The following ITGA8 variants were observed in gnomAD, a reference collection of about 807,000 sequenced individuals.
ITGA8 encodes integrin subunit alpha 8, also known as integrin alpha-8.
ITGA8 carries 91 observed loss-of-function variants against 142.3 expected under a neutral mutation model. That is an observed-to-expected ratio of 0.64 (90% CI 0.54 to 0.76). ITGA8 has a LOEUF of 0.76. Ranked by LOEUF, ITGA8 falls within the 30% of genes least tolerant of loss-of-function variation. ITGA8 has a pLI of 0.00. For missense variants in ITGA8, 1,406 were observed against 1,327.7 expected (o/e 1.06, Z -0.92); for synonymous variants, 505 against 485.2 (o/e 1.04, Z -0.54).
chr10:15,596,090 A>G (rs1276065325), intron 21 of ITGA8, among the ~76,000 whole-genome samples: 2 of 152,176 alleles, frequency 1.3e-5, no homozygotes, highest in African/African-American at 4.8e-5. Flanking sequence ...TTTCTCAAAA[A>G]ACTAGCAAAA....
At chr10:15,670,402 C>CA (rs1246864198) in intron 8 of ITGA8, among the ~76,000 whole-genome samples, 1 of 152,148 alleles carries the variant, frequency 6.6e-6, no homozygotes, top group Non-Finnish European at 1.5e-5. Context: ...GAGAGGTTGT[C>CA]ATAGCCTAAG....
intron 20 of ITGA8, among the ~76,000 whole-genome samples, chr10:15,599,589 G>C (rs1298117934): frequency 6.6e-6 from 1 of 152,052 alleles, no homozygotes; most frequent in Non-Finnish European, 1.5e-5. Flanking sequence ...GGAGGAAGTG[G>C]CATCTAAGCT....
At chr10:15,616,415 C>A in intron 14 of ITGA8, 99 bp downstream of exon 14, 1 of 918,596 alleles carries the variant, frequency 1.1e-6, no homozygotes, top group Non-Finnish European at 1.8e-6. Context: ...CTAAATATTC[C>A]CCAGAATAAA....
intron 27 of ITGA8, among the ~76,000 whole-genome samples, chr10:15,548,128 G>A (rs949534126): frequency 6.7e-6 from 1 of 148,644 alleles, no homozygotes; most frequent in Non-Finnish European, 1.5e-5. Context: ...GTCTCACTCT[G>A]TCACCCAGGC....
In ITGA8 at chr10:15,516,340, G is replaced by C. The variant is rs765519508; in HGVS notation, c.*818C>G. ...AGTCCCTGGATAATGTGAGTGAAAG[G>C]AATTTCAGATGGAAGGCAGCAAGGT... On this transcript the variant is annotated 3_prime_UTR_variant, in exon 30 of 30. Transcript: ENST00000378076. 2 of 152,154 alleles carry C rather than the reference G, an allele frequency of 1.3e-5. No individual in the cohort carries two copies. The highest frequency in any genetic ancestry group is 2.4e-5 in the African/African-American group (1 of 41,454). 9.4% of individuals were successfully genotyped at this position (152,154 alleles called of 1,614,324 possible).
intron 13 of ITGA8, among the ~76,000 whole-genome samples, chr10:15,639,264 T>C (rs1430022801): frequency 6.6e-6 from 1 of 151,796 alleles, no homozygotes; most frequent in Non-Finnish European, 1.5e-5. Context: ...AAAGAATAAA[T>C]GAAATGCTAG....
chr10:15,684,689 T>C (rs1037858691), intron 3 of ITGA8, among the ~76,000 whole-genome samples: 1 of 6,566 alleles, frequency 1.5e-4, no homozygotes, highest in African/African-American at 2.2e-4. Context: ...GAAATTAAAT[T>C]TTTTTTTTTT....
At position 15,719,741 on chromosome 10, in the gene ITGA8, C is replaced by T. The variant is rs1835527165; in HGVS notation, c.31G>A (p.Gly11Arg). 2.9e-6 allele frequency: 4 copies of T among 1,366,480 alleles called. No individual in the cohort carries two copies. The highest frequency in any genetic ancestry group is 1.8e-5 in the South Asian group (1 of 56,346). 84.6% of individuals were successfully genotyped at this position (1,366,480 alleles called of 1,614,324 possible). The change falls in exon 1 of 30, where the codon GGA (glycine) becomes AGA (arginine). Residue 11 changes from glycine to arginine, a missense_variant. Physicochemically the swap from Gly to Arg is moderately radical, Grantham distance 125 (BLOSUM62 -2). Coordinates refer to ENST00000378076, the MANE Select transcript of ITGA8 (RefSeq NM_003638.3). Reference protein sequence around the residue: MSPGASRGPRGSQAPLIAPLC... With the variant: MSPGASRGPRRSQAPLIAPLC... ...GGCGCGATCAGCGGCGCCTGGCTTC[C>T]CCGGGGACCGCGGCTGGCCCCGGGC...
intron 28 of ITGA8, among the ~76,000 whole-genome samples, chr10:15,525,868 A>AT (rs906746394): frequency 1.3e-5 from 2 of 152,140 alleles, no homozygotes; most frequent in Non-Finnish European, 2.9e-5. Flanking sequence ...AATAATTTAC[A>AT]TTTTTTTACT....
chr10:15,610,870 A>G (rs1478613734), intron 15 of ITGA8, among the ~76,000 whole-genome samples: 2 of 152,140 alleles, frequency 1.3e-5, no homozygotes, highest in Admixed American at 6.6e-5. Context: ...TCACTTTTAC[A>G]TTTCTAAAAT....
rs548816239 is a variant in ITGA8 at position 15,665,273 on chromosome 10, T to A, written c.848-4351A>T. 1.2e-4 allele frequency among the ~76,000 whole-genome samples: 19 copies of A among 152,366 alleles called. No individual in the cohort carries two copies. In the South Asian group the frequency reaches 3.9e-3, roughly 32 times the overall value. The stretch of plus-strand genomic sequence containing the variant: ...GCATTTCTCTGATGGCCAGTGATGA[T>A]GAGCATTTTTTCATGTGTTTTTTGG... On this transcript the variant is annotated intron_variant, in intron 8 of 29. Transcript: ENST00000378076.
At chr10:15,546,771 G>A (rs891926010) in intron 27 of ITGA8, among the ~76,000 whole-genome samples, 1 of 148,960 alleles carries the variant, frequency 6.7e-6, no homozygotes, top group Non-Finnish European at 1.5e-5. Context: ...AGAAAGAAAA[G>A]AGACACAGAA....
At chr10:15,589,142 C>G (rs1234391939) in intron 22 of ITGA8, among the ~76,000 whole-genome samples, 1 of 152,192 alleles carries the variant, frequency 6.6e-6, no homozygotes, top group Non-Finnish European at 1.5e-5. Flanking sequence ...TGATGAATTT[C>G]CTCTCTACAA....
chr10:15,599,388 C>T (rs1165135897), intron 20 of ITGA8, among the ~76,000 whole-genome samples: 3 of 152,024 alleles, frequency 2.0e-5, no homozygotes, highest in African/African-American at 4.8e-5. Flanking sequence ...ATTTACCAGG[C>T]CTGACAAATG....
chr10:15,630,496 A>G (rs1833664863), intron 13 of ITGA8, among the ~76,000 whole-genome samples: 1 of 152,014 alleles, frequency 6.6e-6, no homozygotes, highest in Non-Finnish European at 1.5e-5. Flanking sequence ...ACATTTATCA[A>G]AGAATTGCAC....
intron 2 of ITGA8, among the ~76,000 whole-genome samples, chr10:15,713,207 T>C (rs1380281605): frequency 6.6e-6 from 1 of 152,208 alleles, no homozygotes; most frequent in Non-Finnish European, 1.5e-5. Context: ...TATCCAGTCA[T>C]AGTAGCCATC....
intron 28 of ITGA8, among the ~76,000 whole-genome samples, chr10:15,520,133 C>A (rs988870534): frequency 6.6e-6 from 1 of 152,058 alleles, no homozygotes; most frequent in Admixed American, 6.6e-5. Context: ...AAAGATCAGG[C>A]CAGAGCGGTG....
chr10:15,619,892 T>C (rs770489140), intron 13 of ITGA8, among the ~76,000 whole-genome samples: 1 of 152,218 alleles, frequency 6.6e-6, no homozygotes, highest in Non-Finnish European at 1.5e-5. Context: ...TCACGATGAA[T>C]TATGTGCTTT....
intron 15 of ITGA8, among the ~76,000 whole-genome samples, chr10:15,611,691 C>CT (rs1195985451): frequency 0.019 from 2,851 of 149,276 alleles, 92 homozygotes; most frequent in African/African-American, 0.066. Context: ...CAGGGTTTCA[C>CT]CATGGTCTCG....
Sources: allele counts gnomAD v4.1 joint callset (sites outside exome capture counted in the v4.1 genomes callset), GRCh38; gene constraint gnomAD v4.1.1; transcripts MANE v1.5; gene names NCBI Gene and HGNC (gene_info 2026-07-23, HGNC 2026-07-21).